SLC12A7: variants seen among roughly 807,000 people sequenced by gnomAD.
The protein encoded by SLC12A7 is solute carrier family 12 member 7, also known as K-Cl cotransporter 4.
SLC12A7 carries 100 observed loss-of-function variants against 120.6 expected under a neutral mutation model. The observed-to-expected ratio is 0.83, with a 90% CI of 0.71 to 0.98. SLC12A7 has a LOEUF of 0.98. Ranked by LOEUF, SLC12A7 falls within the 50% of genes least tolerant of loss-of-function variation. The pLI, the probability that SLC12A7 is intolerant of heterozygous loss-of-function variation, is 0.00. For synonymous variants in SLC12A7, 760 were observed against 678.0 expected (o/e 1.12, Z -1.88); for missense variants, 1,373 against 1,548.1 (o/e 0.89, Z 1.90).
chr5:1,053,652 C>T (rs749734296), intron 22 of SLC12A7, among the ~76,000 whole-genome samples, 170 bp from the exon 23 acceptor site: 5 of 152,194 alleles, frequency 3.3e-5, no homozygotes, highest in Non-Finnish European at 5.9e-5. Context: ...CGGCTCCGAG[C>T]GAAAGGCGCT....
the SLC12A7 span, among the ~76,000 whole-genome samples, chr5:1,144,230 G>A: frequency 2.6e-5 from 4 of 152,298 alleles, no homozygotes; most frequent in South Asian, 6.2e-4. Context: ...GCGCAGCGCC[G>A]GGTGGCGGGA....
chr5:1,131,252 C>T, the SLC12A7 span, among the ~76,000 whole-genome samples: 7 of 152,166 alleles, frequency 4.6e-5, no homozygotes, highest in African/African-American at 1.4e-4. Context: ...GGGACACCGT[C>T]CCTCCCGGCC....
In SLC12A7 at chr5:1,076,227, GAGGA is replaced by G; in HGVS notation, c.1754_1757del (p.Phe585SerfsTer7). 2 of 1,610,304 alleles carry G rather than the reference GAGGA, an allele frequency of 1.2e-6. No homozygotes were observed. The highest frequency in any genetic ancestry group is 1.7e-6 in the Non-Finnish European group (2 of 1,178,830). On this transcript the variant is annotated frameshift_variant, in exon 14 of 24. Coordinates refer to ENST00000264930, the MANE Select transcript of SLC12A7 (RefSeq NM_006598.3). LOFTEE classifies it high-confidence loss of function. ...CCAGGTTCACGAACAGGTAGCACAT[GAGGA>G]AGAACCTGCAGGGACGGCCGGCCAC...
Position 1,050,815 on chromosome 5 carries a change from C to G in SLC12A7, c.*1545G>C, listed in dbSNP as rs74431452. ...CCCGCTGTGATGTCTGGGACACGCT[C>G]TGGGCAGCAGCCGTCACTCTACAGC... On this transcript the variant is annotated 3_prime_UTR_variant, in exon 24 of 24. Coordinates refer to ENST00000264930, the MANE Select transcript of SLC12A7 (RefSeq NM_006598.3). 2.0e-4 allele frequency: 79 copies of G among 398,602 alleles called. No individual in the cohort carries two copies. The highest frequency in any genetic ancestry group is 1.3e-3 in the African/African-American group (63 of 48,764). The allele number at this position is 398,602 out of a possible 1,614,324, so 24.7% of individuals were successfully genotyped here.
intron 13 of SLC12A7, 149 bp downstream of exon 13, chr5:1,076,545 C>T (rs577438365): frequency 1.6e-4 from 108 of 666,522 alleles, no homozygotes; most frequent in East Asian, 3.0e-4. Context: ...TTGTCTTCCC[C>T]GGCGCAACTC....
chr5:1,081,816 T>A (rs1739158857), intron 8 of SLC12A7, 72 bp from the exon 9 acceptor site: 1 of 1,538,462 alleles, frequency 6.5e-7, no homozygotes. Flanking sequence ...GGCCGCCCAC[T>A]CCCCGGCAGG....
At chr5:1,119,498 G>T in the SLC12A7 span, among the ~76,000 whole-genome samples, 1 of 152,254 alleles carries the variant, frequency 6.6e-6, no homozygotes, top group South Asian at 2.1e-4. Flanking sequence ...CTCTGGTGCT[G>T]CCTTGGCTGC....
At chr5:1,082,461 T>C (rs1314010394) in intron 8 of SLC12A7, among the ~76,000 whole-genome samples, 7 of 108,692 alleles carry the variant, frequency 6.4e-5, no homozygotes, top group African/African-American at 2.2e-4. Context: ...CTGGGCTTCC[T>C]CTCTAGGGTT....
At chr5:1,105,856 G>A (rs114310464) in intron 1 of SLC12A7, among the ~76,000 whole-genome samples, 5,908 of 152,226 alleles carry the variant, frequency 0.039, 154 homozygotes, top group Non-Finnish European at 0.063. Context: ...AGACCAGCTG[G>A]TCCACTCCTG....
intron 1 of SLC12A7, among the ~76,000 whole-genome samples, chr5:1,096,733 GGGGA>G (rs1370273611): frequency 3.3e-5 from 1 of 30,492 alleles, no homozygotes; most frequent in Non-Finnish European, 7.0e-5. Flanking sequence ...AGGAGGGAGG[GGGGA>G]AGGGAGGGAA....
rs202044536 is a variant in SLC12A7 at position 1,074,578 on chromosome 5, G to C, written c.2061C>G (p.Thr687=). 419 of 1,612,122 alleles carry C rather than the reference G, an allele frequency of 2.6e-4. 1 individual carries two copies. The East Asian group carries it at 7.9e-3, about 30-fold the overall frequency. Residue 687 remains threonine, a synonymous_variant, in exon 16 of 24, where the codon ACC becomes ACG. Transcript: ENST00000264930. ...LLRVEHGPPH[T]KNWRPQVLVM... ...TGGGCGGTGCTCACCTCCAGTTCTT[G>C]GTGTGGGGGGGACCGTGCTCCACGC...
chr5:1,050,730 C>T lies in SLC12A7; in HGVS notation c.*1630G>A, dbSNP rs1022759115. 17 of 396,738 alleles carry T rather than the reference C, an allele frequency of 4.3e-5. No homozygotes were observed. The highest frequency in any genetic ancestry group is 1.3e-4 in the Admixed American group (3 of 22,690). 24.6% of individuals were successfully genotyped at this position (396,738 alleles called of 1,614,324 possible). A position where few individuals can be genotyped will look rare whatever the true frequency, so the allele number is the denominator to read the frequency against. The stretch of plus-strand genomic sequence containing the variant: ...CCGGCCCCATCCAGACATGGAGGAG[C>T]GTTTTGCTGCTTAACTCATGCTTAG... On this transcript the variant is annotated 3_prime_UTR_variant, in exon 24 of 24. Transcript: ENST00000264930.
rs1738305385 is a variant in SLC12A7 at position 1,076,135 on chromosome 5, C to T, written c.1847+3G>A. On this transcript the variant is annotated splice_donor_region_variant and intron_variant, in intron 14 of 23. Coordinates refer to ENST00000264930, the MANE Select transcript of SLC12A7 (RefSeq NM_006598.3). ...TCCTCACGCCCGTGCTGAGTGGCCT[C>T]ACCAGTGGTAGAACTTGAAGCGTGG... The T allele has an allele frequency of 6.2e-7, 1 of 1,609,004 alleles. No individual in the cohort carries two copies. Among genetic ancestry groups the T allele is most frequent in the African/African-American group, 1.3e-5 (1 of 74,998 alleles).
chr5:1,061,747 C>G (rs1736308593), intron 20 of SLC12A7, among the ~76,000 whole-genome samples: 1 of 151,784 alleles, frequency 6.6e-6, no homozygotes, highest in Non-Finnish European at 1.5e-5. Context: ...GTCAGAAGTT[C>G]GAGACCAGCC....
chr5:1,081,061 G>GAGAGGAC (rs1554017314), intron 9 of SLC12A7, among the ~76,000 whole-genome samples: 2 of 9,066 alleles, frequency 2.2e-4, no homozygotes, highest in Admixed American at 4.0e-3. Context: ...GAGGGAGACA[G>GAGAGGAC]AGAGAGAGAG....
At chr5:1,114,737 G>A (rs780350081), upstream of SLC12A7, among the ~76,000 whole-genome samples, 10 of 152,092 alleles carry the variant, frequency 6.6e-5, no homozygotes, top group South Asian at 4.2e-4. Flanking sequence ...GCTGGGATCC[G>A]GGTCCAGTCC....
intron 1 of SLC12A7, among the ~76,000 whole-genome samples, chr5:1,111,391 G>A (rs1364113747): frequency 6.6e-6 from 1 of 152,124 alleles, no homozygotes; most frequent in Non-Finnish European, 1.5e-5. Flanking sequence ...GGGGTGGGCG[G>A]CTCCTCCAGG....
chr5:1,131,180 C>A, the SLC12A7 span, among the ~76,000 whole-genome samples: 3 of 152,136 alleles, frequency 2.0e-5, no homozygotes, highest in Non-Finnish European at 4.4e-5. Context: ...AGGGGACTCA[C>A]GGGGACACGT....
Position 1,088,318 on chromosome 5 carries a change from C to T in SLC12A7, c.532G>A (p.Gly178Ser), listed in dbSNP as rs1200422798. ...AISMSAIATN[G>S]VVPAGGSYYM... ...GGGCACCCCTTACCTGGGACCACAC[C>T]GTTGGTAGCGATCGCACTCATGGAA... The change falls in exon 5 of 24, where the codon GGT (glycine) becomes AGT (serine). Residue 178 changes from glycine to serine, a missense_variant. Gly to Ser is a moderately conservative substitution (Grantham distance 56). Coordinates refer to ENST00000264930, the MANE Select transcript of SLC12A7 (RefSeq NM_006598.3). 5 of 1,586,666 alleles carry T rather than the reference C, an allele frequency of 3.2e-6. No individual in the cohort carries two copies. Among genetic ancestry groups the T allele is most frequent in the Non-Finnish European group, 3.4e-6 (4 of 1,167,164 alleles).
Sources: allele counts gnomAD v4.1 joint callset (sites outside exome capture counted in the v4.1 genomes callset), GRCh38; gene constraint gnomAD v4.1.1; transcripts MANE v1.5; gene names NCBI Gene and HGNC (gene_info 2026-07-23, HGNC 2026-07-21).